COP1: variants seen among roughly 807,000 people sequenced by gnomAD.
COP1 encodes the protein COP1 E3 ubiquitin ligase.
A neutral mutation model predicts 101.3 loss-of-function variants in COP1; 24 were observed. The observed-to-expected ratio is 0.24, with a 90% CI of 0.17 to 0.33. COP1 has a LOEUF of 0.33. Ranked by LOEUF, COP1 falls within the 10% of genes least tolerant of loss-of-function variation. The pLI is 1.00. For synonymous variants in COP1, 347 were observed against 341.9 expected (o/e 1.01, Z -0.17); for missense variants, 663 against 906.2 (o/e 0.73, Z 3.45).
At chr1:175,959,662 C>A in intron 18 of COP1, among the ~76,000 whole-genome samples, 1 of 151,998 alleles carries the variant, frequency 6.6e-6, no homozygotes, top group Non-Finnish European at 1.5e-5. Context: ...TACCTAGATA[C>A]CTTTCTCTTA....
chr1:175,990,548 C>A (rs1437017917), intron 15 of COP1, among the ~76,000 whole-genome samples: 3 of 152,066 alleles, frequency 2.0e-5, no homozygotes, highest in African/African-American at 7.2e-5. Context: ...AATTTTCTGT[C>A]CAGTTTTTCT....
intron 15 of COP1, among the ~76,000 whole-genome samples, chr1:175,990,424 G>A (rs1571438409): frequency 6.6e-6 from 1 of 152,110 alleles, no homozygotes; most frequent in South Asian, 2.1e-4. Flanking sequence ...CCTGGAGACT[G>A]TTACTAACAC....
chr1:176,134,069 C>T (rs1277488814), intron 8 of COP1, among the ~76,000 whole-genome samples: 2 of 151,942 alleles, frequency 1.3e-5, no homozygotes, highest in Admixed American at 6.6e-5. Flanking sequence ...CCTCTGAATT[C>T]TCCTTAACTA....
chr1:176,094,589 T>A (rs1681989042), intron 9 of COP1, among the ~76,000 whole-genome samples: 2 of 150,690 alleles, frequency 1.3e-5, no homozygotes, highest in African/African-American at 2.4e-5. Context: ...TAAAGAAAAA[T>A]GATCACATTT....
intron 18 of COP1, among the ~76,000 whole-genome samples, chr1:175,981,848 A>G (rs1655942534): frequency 6.6e-6 from 1 of 152,178 alleles, no homozygotes. Context: ...CATTTCTCAA[A>G]AAAAGACATA....
chr1:176,095,896 G>T (rs1167150235), intron 9 of COP1, among the ~76,000 whole-genome samples: 1 of 151,976 alleles, frequency 6.6e-6, no homozygotes, highest in Non-Finnish European at 1.5e-5. Flanking sequence ...TTCACTTAAG[G>T]ATGCCCTTAA....
rs776792809 is a variant in COP1 at position 176,149,025 on chromosome 1, G to A, written c.812C>T (p.Ala271Val). ...ATATACCTCTCTCTTATTTCTTCTT[G>A]CAACCTTGAGGAATTCCATAAGAAT... Reference protein sequence around the residue: ...LQILMEFLKVARRNKREQLEQ... With the variant: ...LQILMEFLKVVRRNKREQLEQ... The change falls in exon 6 of 20, where the codon GCA (alanine) becomes GTA (valine). Residue 271 changes from alanine to valine, a missense_variant. Ala to Val is a moderately conservative substitution (Grantham distance 64). Transcript: ENST00000367669. 1.3e-6 allele frequency: 2 copies of A among 1,583,174 alleles called. No individual in the cohort carries two copies. The highest frequency in any genetic ancestry group is 2.3e-5 in the East Asian group (1 of 44,248).
At chr1:175,988,552 GCCAGGCGTGGTGGCTCACGCTTGTATT>G (rs1253206855) in intron 16 of COP1, 140 bp from the exon 17 acceptor site, 6 of 763,918 alleles carry the variant, frequency 7.9e-6, no homozygotes, top group African/African-American at 1.7e-5. Flanking sequence ...TCATCTGTCG[GCCAGGCGTGGTGGCTCACGCTTGTATT>G]CCAAGCAATT....
At chr1:176,042,270 C>CAAAAA (rs35822380) in intron 14 of COP1, among the ~76,000 whole-genome samples, 7 of 88,012 alleles carry the variant, frequency 8.0e-5, no homozygotes, top group African/African-American at 3.4e-4. Context: ...AACTCTATCT[C>CAAAAA]AAAAAAAAAA....
chr1:175,976,309 G>A (rs1208722387), intron 18 of COP1, among the ~76,000 whole-genome samples: 4 of 69,584 alleles, frequency 5.7e-5, no homozygotes, highest in Non-Finnish European at 1.1e-4. Flanking sequence ...ACAGAGTCTT[G>A]CTCTGTTGCC....
rs1696865390 is a variant in COP1, at chr1:176,175,890, A to C, written c.565+20T>G. ...GGGGATCGAAATATTTTTAAAATAA[A>C]AATCATTCCAAAGACTCACCCAAGA... On this transcript the variant is annotated intron_variant, in intron 3 of 19. Coordinates refer to ENST00000367669, the MANE Select transcript of COP1 (RefSeq NM_022457.7). 3.0e-6 allele frequency: 4 copies of C among 1,337,736 alleles called. No homozygotes were observed. The East Asian group carries it at 9.3e-5, about 31-fold the overall frequency. 82.9% of individuals were successfully genotyped at this position (1,337,736 alleles called of 1,614,324 possible).
At chr1:176,097,772 G>A (rs1040887850) in intron 9 of COP1, among the ~76,000 whole-genome samples, 7 of 151,576 alleles carry the variant, frequency 4.6e-5, no homozygotes, top group African/African-American at 1.7e-4. Flanking sequence ...GGGAGGCTGA[G>A]GCGGGACAAT....
chr1:176,183,681 A>G (rs879345372), intron 2 of COP1, among the ~76,000 whole-genome samples: 8 of 152,212 alleles, frequency 5.3e-5, no homozygotes, highest in Admixed American at 4.6e-4. Flanking sequence ...TATTCATAGC[A>G]GCCAAAAGGT....
intron 3 of COP1, among the ~76,000 whole-genome samples, chr1:176,164,116 A>G (rs1342421007): frequency 6.6e-6 from 1 of 152,178 alleles, no homozygotes; most frequent in Non-Finnish European, 1.5e-5. Context: ...ATTCTTCAGA[A>G]TATGTATTTT....
chr1:176,070,405 G>A (rs977610081), intron 11 of COP1, among the ~76,000 whole-genome samples: 9 of 147,266 alleles, frequency 6.1e-5, no homozygotes, highest in Admixed American at 5.5e-4. Context: ...GCTAACACCT[G>A]TAATCCCAGC....
intron 15 of COP1, among the ~76,000 whole-genome samples, chr1:175,999,696 A>T (rs1018819776): frequency 1.7e-4 from 26 of 152,238 alleles, no homozygotes; most frequent in African/African-American, 6.3e-4. Context: ...ACCAATCTTC[A>T]TAGTGGTTGT....
intron 3 of COP1, among the ~76,000 whole-genome samples, chr1:176,164,850 A>T (rs965045114): frequency 4.6e-5 from 7 of 151,836 alleles, no homozygotes; most frequent in Admixed American, 6.6e-5. Context: ...TTTTTTTTTT[A>T]AAAAGGGAAA....
In COP1 at chr1:176,095,845, A is replaced by AT. The variant is rs566262520; in HGVS notation, c.1027-9956dup. Reference sequence around the variant, plus strand: ...ACACTGTTCTTCATTACTATTCATAATTTTTTTTAAAAAAACATATAAAAA... The same window carrying AT: ...ACACTGTTCTTCATTACTATTCATAATTTTTTTTTAAAAAAACATATAAAAA... On this transcript the variant is annotated intron_variant, in intron 9 of 19. Coordinates refer to ENST00000367669, the MANE Select transcript of COP1 (RefSeq NM_022457.7). Among the ~76,000 whole-genome samples the AT allele has an allele frequency of 5.3e-5, 8 of 152,212 alleles. No homozygotes were observed. In the East Asian group the frequency reaches 1.2e-3, roughly 22 times the overall value.
intron 9 of COP1, among the ~76,000 whole-genome samples, chr1:176,111,109 G>A (rs1359914320): frequency 2.0e-5 from 3 of 151,970 alleles, no homozygotes; most frequent in Non-Finnish European, 2.9e-5. Flanking sequence ...CTGAGATGGC[G>A]CCACTGCACT....
Sources: gnomAD v4.1 joint callset for allele counts (sites outside exome capture counted in the v4.1 genomes callset) on GRCh38, gnomAD v4.1.1 for gene constraint, MANE v1.5 for transcripts, NCBI Gene and HGNC (gene_info 2026-07-23, HGNC 2026-07-21) for gene names.